HPSE2: variants seen among roughly 807,000 people sequenced by gnomAD.
HPSE2 encodes the protein inactive heparanase-2.
HPSE2 carries 38 observed loss-of-function variants against 60.5 expected under a neutral mutation model. The observed-to-expected ratio is 0.63, with a 90% CI of 0.48 to 0.82. The LOEUF (loss-of-function observed/expected upper bound fraction) is 0.82. Ranked by LOEUF, HPSE2 falls within the 40% of genes least tolerant of loss-of-function variation. HPSE2 has a pLI of 0.00. For synonymous variants in HPSE2, 295 were observed against 293.2 expected (o/e 1.01, Z -0.06); for missense variants, 713 against 740.4 (o/e 0.96, Z 0.43).
chr10:98,489,984 G>A, intron 10 of HPSE2, 67 bp downstream of exon 10: 1 of 1,586,350 alleles, frequency 6.3e-7, no homozygotes, highest in South Asian at 1.1e-5. Context: ...GAGTCTTGAA[G>A]GGGTCCCAAA....
chr10:98,837,309 G>C (rs1951812052), intron 3 of HPSE2, among the ~76,000 whole-genome samples: 1 of 152,148 alleles, frequency 6.6e-6, no homozygotes, highest in African/African-American at 2.4e-5. Flanking sequence ...GAGAGACTTA[G>C]AGGCAGTAAA....
chr10:98,541,031 T>C (rs1365648390), intron 9 of HPSE2, among the ~76,000 whole-genome samples: 1 of 152,202 alleles, frequency 6.6e-6, no homozygotes, highest in East Asian at 1.9e-4. Flanking sequence ...TAGAGAATCA[T>C]TCATTAATTC....
chr10:98,558,372 A>G lies in HPSE2; in HGVS notation c.1320+56532T>C, dbSNP rs374867435. 4.6e-5 allele frequency among the ~76,000 whole-genome samples: 7 copies of G among 152,374 alleles called. No individual in the cohort carries two copies. In the South Asian group the frequency reaches 1.2e-3, roughly 27 times the overall value. On this transcript the variant is annotated intron_variant, in intron 9 of 11. Coordinates refer to ENST00000370552, the MANE Select transcript of HPSE2 (RefSeq NM_021828.5). ...AAACACTGAAACTCTAAATGTCCAT[A>G]AACAATAAAATGGATTTATAAATTG... is the stretch of plus-strand genomic sequence containing the variant.
In HPSE2 at chr10:99,126,707, T is replaced by A. The variant is rs530705844; in HGVS notation, c.610+17531A>T. Among the ~76,000 whole-genome samples the A allele has an allele frequency of 3.3e-5, 5 of 152,246 alleles. No individual in the cohort carries two copies. The South Asian group carries it at 1.0e-3, about 32-fold the overall frequency. On this transcript the variant is annotated intron_variant, in intron 3 of 11. Coordinates refer to ENST00000370552, the MANE Select transcript of HPSE2 (RefSeq NM_021828.5). The surrounding 1 kb of genome is among the most constrained non-coding windows in gnomAD (Gnocchi z 4.0). The stretch of plus-strand genomic sequence containing the variant: ...CCATCATTCAAGAAAGCCAGCACAC[T>A]AAACATAGCTACAACTAAGGACCCT...
intron 3 of HPSE2, among the ~76,000 whole-genome samples, chr10:98,952,636 A>G (rs748620919): frequency 3.9e-5 from 6 of 152,178 alleles, no homozygotes; most frequent in Non-Finnish European, 5.9e-5. Context: ...ACAAAATACC[A>G]TATAATAAGT....
intron 9 of HPSE2, 132 bp downstream of exon 9, chr10:98,614,772 A>ATGTTTC (rs1945857974): frequency 1.4e-6 from 1 of 730,662 alleles, no homozygotes; most frequent in African/African-American, 1.7e-5. Flanking sequence ...AAAGACAGGA[A>ATGTTTC]TGTTTCTGTT....
intron 4 of HPSE2, among the ~76,000 whole-genome samples, chr10:98,729,963 T>G (rs1282345156): frequency 6.6e-6 from 1 of 152,136 alleles, no homozygotes; most frequent in African/African-American, 2.4e-5. Flanking sequence ...AGCAAGAATA[T>G]AGAAGACTTG....
chr10:99,241,831 G>A, the HPSE2 span, among the ~76,000 whole-genome samples: 2 of 152,084 alleles, frequency 1.3e-5, no homozygotes, highest in Non-Finnish European at 2.9e-5. Context: ...TCTCCCACAC[G>A]TGCCACAAAT....
At chr10:98,721,014 G>C (rs1406595136) in intron 5 of HPSE2, among the ~76,000 whole-genome samples, 2 of 151,958 alleles carry the variant, frequency 1.3e-5, no homozygotes, top group African/African-American at 4.8e-5. Flanking sequence ...TGTGTTTCTA[G>C]TTATATTTCA....
At chr10:99,020,094 C>A (rs1957229521) in intron 3 of HPSE2, among the ~76,000 whole-genome samples, 1 of 152,120 alleles carries the variant, frequency 6.6e-6, no homozygotes, top group Non-Finnish European at 1.5e-5. Flanking sequence ...TCAGGATCCT[C>A]TCCCAGAGCT....
intron 2 of HPSE2, among the ~76,000 whole-genome samples, chr10:99,174,273 C>T (rs1286223975): frequency 6.6e-6 from 1 of 152,300 alleles, no homozygotes; most frequent in Middle Eastern, 3.4e-3. Context: ...TCTCATAGCA[C>T]TTGGCATAAA....
chr10:99,064,722 C>G (rs552776549), intron 3 of HPSE2, among the ~76,000 whole-genome samples: 19 of 146,246 alleles, frequency 1.3e-4, no homozygotes, highest in African/African-American at 4.5e-4. Flanking sequence ...TAAAATACAC[C>G]TTATCAACCA....
At chr10:99,098,265 C>T (rs1231614041) in intron 3 of HPSE2, among the ~76,000 whole-genome samples, 1 of 152,124 alleles carries the variant, frequency 6.6e-6, no homozygotes, top group Non-Finnish European at 1.5e-5. Flanking sequence ...ATAGAATTTA[C>T]ACTGTATTAT....
chr10:98,937,214 G>C lies in HPSE2; in HGVS notation c.611-193158C>G, dbSNP rs1954826521. 1.4e-5 allele frequency among the ~76,000 whole-genome samples: 2 copies of C among 143,752 alleles called. 1 individual carries two copies. The highest frequency in any genetic ancestry group is 5.7e-5 in the African/African-American group (2 of 35,296). 94.3% of individuals were successfully genotyped at this position (143,752 alleles called of 152,430 possible). ...CTGAGGTACCAGGTTCATCTCACTA[G>C]GGAGTGCCAGACAGTGGGCGCAGGA... is the stretch of plus-strand genomic sequence containing the variant. On this transcript the variant is annotated intron_variant, in intron 3 of 11. Coordinates refer to ENST00000370552, the MANE Select transcript of HPSE2 (RefSeq NM_021828.5).
At chr10:99,184,557 A>G (rs932520648) in intron 2 of HPSE2, among the ~76,000 whole-genome samples, 12 of 142,522 alleles carry the variant, frequency 8.4e-5, no homozygotes, top group South Asian at 4.6e-4. Flanking sequence ...AAAAAAAAAA[A>G]AAGCTAAGAG....
chr10:98,986,271 A>T (rs1317902068), intron 3 of HPSE2, among the ~76,000 whole-genome samples: 2 of 152,168 alleles, frequency 1.3e-5, no homozygotes, highest in Admixed American at 6.5e-5. Context: ...ATGTAAAAGA[A>T]CAGAAATTAT....
At chr10:99,082,187 G>A (rs776993435) in intron 3 of HPSE2, among the ~76,000 whole-genome samples, 2 of 152,070 alleles carry the variant, frequency 1.3e-5, no homozygotes, top group African/African-American at 2.4e-5. Context: ...TGTGGTCACC[G>A]CGTCAATGAG....
At chr10:99,299,295 C>T in the HPSE2 span, among the ~76,000 whole-genome samples, 8 of 152,158 alleles carry the variant, frequency 5.3e-5, no homozygotes, top group Non-Finnish European at 1.2e-4. Flanking sequence ...AGGAGTGGGG[C>T]CCCAGATCAG....
intron 10 of HPSE2, among the ~76,000 whole-genome samples, chr10:98,487,863 C>T (rs1243566933): frequency 6.6e-6 from 1 of 152,246 alleles, no homozygotes; most frequent in Admixed American, 6.5e-5. Flanking sequence ...ACAGATACTT[C>T]TTCTACCTTT....
Sources: gnomAD v4.1 joint callset for allele counts (sites outside exome capture counted in the v4.1 genomes callset) on GRCh38, gnomAD v4.1.1 for gene constraint, Gnocchi (gnomAD v3.1) non-coding constraint, MANE v1.5 for transcripts, NCBI Gene and HGNC (gene_info 2026-07-23, HGNC 2026-07-21) for gene names.